The following LYZL4 variants were observed in gnomAD, a reference collection of about 807,000 sequenced individuals.
LYZL4 encodes lysozyme-like protein 4.
Under a neutral mutation model 17.6 loss-of-function variants are expected in LYZL4, and 13 were observed. The ratio of observed to expected loss-of-function variants is 0.74; its 90% CI spans 0.48 to 1.18. The LOEUF (loss-of-function observed/expected upper bound fraction) is 1.18. Among genes scored for constraint, LYZL4 ranks in the 50% most tolerant of loss-of-function variants. LYZL4 has a pLI of 0.00. For missense variants in LYZL4, 174 were observed against 188.2 expected (o/e 0.92, Z 0.44); for synonymous variants, 64 against 67.7 (o/e 0.95, Z 0.27).
the LYZL4 span, among the ~76,000 whole-genome samples, chr3:42,373,286 A>G: frequency 6.6e-6 from 1 of 152,156 alleles, no homozygotes; most frequent in Non-Finnish European, 1.5e-5. Flanking sequence ...GGGAGGTGGA[A>G]ACTGAGTCAG....
rs1364649227 is a variant in LYZL4, at chr3:42,406,837, G to A, written c.292+9C>T. ...AGTGCCCCCGCACGGAATGGAAAGA[G>A]GGACTTACCGGAACATGACATATGG... On this transcript the variant is annotated intron_variant, in intron 3 of 4. Coordinates refer to ENST00000287748, the MANE Select transcript of LYZL4 (RefSeq NM_144634.4). The A allele has an allele frequency of 8.1e-6, 13 of 1,613,558 alleles. No individual in the cohort carries two copies. The South Asian group carries it at 1.1e-4, about 14-fold the overall frequency.
the LYZL4 span, among the ~76,000 whole-genome samples, chr3:42,382,584 A>T: frequency 6.6e-6 from 1 of 151,656 alleles, no homozygotes; most frequent in African/African-American, 2.4e-5. Context: ...TTAAATTCCC[A>T]ATTTCTCTAC....
rs776509859 is a variant in LYZL4 at position 42,407,104 on chromosome 3, C to T, written c.139+9G>A. On this transcript the variant is annotated intron_variant, in intron 2 of 4. Transcript: ENST00000287748. ...TGAGAGGAGGGAGCACTAAGTGGGG[C>T]CTACTCACAGTTCTCAAGGCTATAG... 26 of 1,613,958 alleles carry T rather than the reference C, an allele frequency of 1.6e-5. No individual in the cohort carries two copies. In the African/African-American group the frequency reaches 1.9e-4, roughly 12 times the overall value.
the LYZL4 span, among the ~76,000 whole-genome samples, chr3:42,370,859 T>C: frequency 1.3e-5 from 2 of 152,226 alleles, no homozygotes; most frequent in Admixed American, 1.3e-4. Flanking sequence ...CTCTCCAGAA[T>C]TGACTATGCC....
chr3:42,366,174 A>G, the LYZL4 span, among the ~76,000 whole-genome samples: 2 of 151,958 alleles, frequency 1.3e-5, no homozygotes, highest in Non-Finnish European at 2.9e-5. Flanking sequence ...ATGCCAGACC[A>G]GTTGGCCTGT....
At chr3:42,371,184 G>T in the LYZL4 span, among the ~76,000 whole-genome samples, 1 of 152,192 alleles carries the variant, frequency 6.6e-6, no homozygotes, top group South Asian at 2.1e-4. Context: ...GTCCTAGTCT[G>T]GATGGTGCCT....
At chr3:42,370,627 A>T in the LYZL4 span, among the ~76,000 whole-genome samples, 1 of 152,214 alleles carries the variant, frequency 6.6e-6, no homozygotes, top group Non-Finnish European at 1.5e-5. Context: ...TTATTGCAGC[A>T]ATACCTAACT....
At chr3:42,365,233 T>C in the LYZL4 span, among the ~76,000 whole-genome samples, 1 of 152,196 alleles carries the variant, frequency 6.6e-6, no homozygotes, top group East Asian at 1.9e-4. Context: ...AAATATAAGA[T>C]TGGAACCAAG....
the LYZL4 span, among the ~76,000 whole-genome samples, chr3:42,365,467 C>T: frequency 3.9e-5 from 6 of 152,192 alleles, no homozygotes; most frequent in Non-Finnish European, 7.3e-5. Context: ...CCTAGATCTA[C>T]TCCATGTGCA....
In LYZL4 at chr3:42,407,313, G is replaced by C; in HGVS notation, c.-62C>G. On this transcript the variant is annotated 5_prime_UTR_variant, in exon 2 of 5. Transcript: ENST00000287748. The stretch of plus-strand genomic sequence containing the variant: ...CCAGATGAGTGGGTGGAGTCACAGG[G>C]ACACTGGTTCTCTGAAGGGAAAGAA... 6.2e-7 allele frequency: 1 copy of C among 1,609,018 alleles called. No individual in the cohort carries two copies. The highest frequency in any genetic ancestry group is 1.7e-5 in the Admixed American group (1 of 59,724).
At position 42,397,253 on chromosome 3, in the gene LYZL4, C is replaced by T. The variant is rs771878965; in HGVS notation, c.*12G>A. ...ATGCAACTGGTGAGTGCTGCAGGGG[C>T]CATGCAGGTGGCTACAGCTTGCAAC... On this transcript the variant is annotated 3_prime_UTR_variant, in exon 5 of 5. Transcript: ENST00000287748. The T allele has an allele frequency of 2.6e-6, 4 of 1,550,698 alleles. No homozygotes were observed. The East Asian group carries it at 9.7e-5, about 38-fold the overall frequency.
chr3:42,403,947 G>T (rs977666869), intron 4 of LYZL4, 99 bp downstream of exon 4: 1 of 806,562 alleles, frequency 1.2e-6, no homozygotes, highest in Non-Finnish European at 2.0e-6. Context: ...TTTAGTTTTG[G>T]CACTGCACGT....
At chr3:42,394,012 C>T (rs553560109), downstream of LYZL4, among the ~76,000 whole-genome samples, 12 of 152,212 alleles carry the variant, frequency 7.9e-5, no homozygotes, top group East Asian at 2.1e-3. Context: ...AGGCTGGTCT[C>T]GAACTCCTGG....
intron 4 of LYZL4, among the ~76,000 whole-genome samples, chr3:42,402,318 TC>T (rs202074607): frequency 0.045 from 6,543 of 146,474 alleles, 413 homozygotes; most frequent in African/African-American, 0.12. Flanking sequence ...TTCTTTTCTT[TC>T]TTTTTTTTTT....
At position 42,406,885 on chromosome 3, in the gene LYZL4, C is replaced by T. The variant is rs201569061; in HGVS notation, c.253G>A (p.Gly85Ser). The stretch of plus-strand genomic sequence containing the variant: ...TGGCAGCGGTTCCTGCCATGGTCGC[C>T]ACACCAGTCACTGCCACGCATCTGA... ...LFQMRGSDWC[G>S]DHGRNRCHMS... The change falls in exon 3 of 5, where the codon GGC (glycine) becomes AGC (serine). Residue 85 changes from glycine (G) to serine (S), a missense_variant. Coordinates refer to ENST00000287748, the MANE Select transcript of LYZL4 (RefSeq NM_144634.4). The T allele has an allele frequency of 8.5e-5, 137 of 1,614,246 alleles. 2 individuals carry two copies. The East Asian group carries it at 2.2e-3, about 25-fold the overall frequency.
At chr3:42,375,963 G>C in the LYZL4 span, among the ~76,000 whole-genome samples, 1 of 152,092 alleles carries the variant, frequency 6.6e-6, no homozygotes, top group Non-Finnish European at 1.5e-5. Flanking sequence ...GGTGTGTATC[G>C]ACAGCACCTC....
At chr3:42,389,856 C>A in the LYZL4 span, among the ~76,000 whole-genome samples, 2,228 of 152,282 alleles carry the variant, frequency 0.015, 56 homozygotes, top group African/African-American at 0.048. Flanking sequence ...CTCCCTCAGT[C>A]TTCACCTATG....
At chr3:42,389,005 G>A in the LYZL4 span, among the ~76,000 whole-genome samples, 1 of 152,204 alleles carries the variant, frequency 6.6e-6, no homozygotes, top group South Asian at 2.1e-4. Flanking sequence ...AAAGCCATAT[G>A]ATTGTGCCTG....
the LYZL4 span, among the ~76,000 whole-genome samples, chr3:42,386,559 G>T: frequency 2.6e-5 from 4 of 152,084 alleles, no homozygotes; most frequent in African/African-American, 7.2e-5. Context: ...AGGTTTGGGG[G>T]ACTAGGACAT....
Sources: allele counts gnomAD v4.1 joint callset (sites outside exome capture counted in the v4.1 genomes callset), GRCh38; gene constraint gnomAD v4.1.1; transcripts MANE v1.5; gene names NCBI Gene and HGNC (gene_info 2026-07-23, HGNC 2026-07-21).